Variants in NECTIN2 observed in about 807,000 individuals in gnomAD.
NECTIN2 encodes the protein nectin-2.
In NECTIN2, 23 loss-of-function variants were observed where a neutral mutation model predicts 56.9. That is an observed-to-expected ratio of 0.40 (90% CI 0.29 to 0.57). The LOEUF (loss-of-function observed/expected upper bound fraction) is 0.57. NECTIN2 is among the 20% of genes least tolerant of loss of function. The probability of loss-of-function intolerance (pLI) is 0.38; values close to 1 mark genes in which losing one functional copy is unlikely to be tolerated. For missense variants in NECTIN2, 587 were observed against 718.3 expected (o/e 0.82, Z 2.09); for synonymous variants, 302 against 313.8 (o/e 0.96, Z 0.40).
At position 44,874,506 on chromosome 19, in the gene NECTIN2, G is replaced by A. The variant is rs1969214893; in HGVS notation, c.1042+28G>A. ...GAGTGGGTCTTGGGGGCCGTGTGTGGAGACCTGGGTCCGCTCCCCTGGAGT... is the reference window on the plus strand; with the variant it reads ...GAGTGGGTCTTGGGGGCCGTGTGTGAAGACCTGGGTCCGCTCCCCTGGAGT... On this transcript the variant is annotated intron_variant, in intron 5 of 8. Coordinates refer to ENST00000252483, the MANE Select transcript of NECTIN2 (RefSeq NM_001042724.2). The surrounding 1 kb of genome is among the most constrained non-coding windows in gnomAD (Gnocchi z 6.3). The A allele has an allele frequency of 1.9e-6, 3 of 1,610,028 alleles. No individual in the cohort carries two copies. Among genetic ancestry groups the A allele is most frequent in the East Asian group, 2.2e-5 (1 of 44,882 alleles).
chr19:44,850,465 C>T (rs1389314158), intron 1 of NECTIN2, among the ~76,000 whole-genome samples: 2 of 152,006 alleles, frequency 1.3e-5, no homozygotes, highest in African/African-American at 4.8e-5. Flanking sequence ...GGCAACACGG[C>T]GAAACCCTGT....
intron 1 of NECTIN2, among the ~76,000 whole-genome samples, chr19:44,856,526 G>A (rs1006443149): frequency 1.3e-5 from 2 of 152,074 alleles, no homozygotes; most frequent in Non-Finnish European, 2.9e-5. Flanking sequence ...TAACTTCCTC[G>A]GCCCCAGCCT....
intron 1 of NECTIN2, among the ~76,000 whole-genome samples, chr19:44,862,651 A>G (rs1826708060): frequency 1.3e-5 from 2 of 152,084 alleles, no homozygotes; most frequent in Non-Finnish European, 2.9e-5. Context: ...GCAGATACAC[A>G]AAGATTGGAA....
chr19:44,856,434 C>T (rs901919456), intron 1 of NECTIN2, among the ~76,000 whole-genome samples: 10 of 152,170 alleles, frequency 6.6e-5, no homozygotes, highest in African/African-American at 2.2e-4. Context: ...CACCACCTTC[C>T]CCTCAGGCCT....
At chr19:44,879,119 ACG>A (rs1284314838) in intron 5 of NECTIN2, among the ~76,000 whole-genome samples, 1 of 152,028 alleles carries the variant, frequency 6.6e-6, no homozygotes, top group East Asian at 1.9e-4. Flanking sequence ...TCCTTGAAAG[ACG>A]CATTGGATGG....
chr19:44,879,305 G>A (rs2122703685), intron 5 of NECTIN2, among the ~76,000 whole-genome samples: 1 of 152,154 alleles, frequency 6.6e-6, no homozygotes, highest in African/African-American at 2.4e-5. Flanking sequence ...TGGAGGTGGG[G>A]GTGGGGACAG....
Position 44,862,466 on chromosome 19 carries a change from T to TA in NECTIN2, c.89-2793dup, listed in dbSNP as rs60608124. ...AACCTGCACATGTATCCTGGAACAA[T>TA]AAAAAAAAAAAAGAAAGAAAATGTG... On this transcript the variant is annotated intron_variant, in intron 1 of 8. Transcript: ENST00000252483. Among the ~76,000 whole-genome samples, 132 of 97,130 alleles carry TA rather than the reference T, an allele frequency of 1.4e-3. 1 individual carries two copies. Among genetic ancestry groups the TA allele is most frequent in the South Asian group, 2.2e-3 (8 of 3,562 alleles). The allele number at this position is 97,130 out of a possible 152,430, so 63.7% of individuals were successfully genotyped here.
chr19:44,866,140 A>T (rs1303143478), intron 2 of NECTIN2, among the ~76,000 whole-genome samples: 1 of 151,618 alleles, frequency 6.6e-6, no homozygotes, highest in Admixed American at 6.6e-5. Flanking sequence ...CCACCACTGC[A>T]CTCTAGTCTG....
chr19:44,871,483 A>C (rs1040138180), intron 2 of NECTIN2, among the ~76,000 whole-genome samples: 2 of 152,122 alleles, frequency 1.3e-5, no homozygotes, highest in Non-Finnish European at 2.9e-5. Flanking sequence ...AGCTATGATC[A>C]CACCACTGCA....
intron 1 of NECTIN2, among the ~76,000 whole-genome samples, chr19:44,857,083 G>T (rs1305942681): frequency 1.3e-5 from 2 of 152,216 alleles, no homozygotes; most frequent in African/African-American, 4.8e-5. Context: ...AAGGCTGCCA[G>T]CTGGAAAGGG....
rs766880329 is a variant in NECTIN2 at position 44,886,163 on chromosome 19, G to A, written c.1291G>A (p.Glu431Lys). ...CCAGCTCTTCACTCTGGGGGCCTCG[G>A]AGCACAGCCCACTCAAGACCCCCTA... is the stretch of plus-strand genomic sequence containing the variant. Reference protein sequence around the residue: ...PSQLFTLGASEHSPLKTPYFD... With the variant: ...PSQLFTLGASKHSPLKTPYFD... The change falls in exon 8 of 9, where the codon GAG becomes AAG. Residue 431 changes from glutamate (E) to lysine (K), a missense_variant. By Grantham distance (56) the Glu-to-Lys change is moderately conservative. Transcript: ENST00000252483. The A allele has an allele frequency of 6.2e-7, 1 of 1,613,246 alleles. No individual in the cohort carries two copies. The highest frequency in any genetic ancestry group is 8.5e-7 in the Non-Finnish European group (1 of 1,179,898).
intron 5 of NECTIN2, among the ~76,000 whole-genome samples, chr19:44,879,946 T>C (rs1284201421): frequency 2.6e-5 from 4 of 152,122 alleles, no homozygotes; most frequent in Non-Finnish European, 5.9e-5. Flanking sequence ...AGCAGCAGTA[T>C]GTTTAGGATG....
rs1286764495 is a variant in NECTIN2, at chr19:44,887,066, C to CAA, written c.1347+847_1347+848insAA. 2.0e-5 allele frequency among the ~76,000 whole-genome samples: 3 copies of CAA among 150,630 alleles called. No individual in the cohort carries two copies. In the East Asian group the frequency reaches 5.9e-4, roughly 30 times the overall value. ...CATTAGGTCAATGAAAATTGATTAT[C>CAA]TGGTCAGGCATGGTGGCTCACACCT... is the stretch of plus-strand genomic sequence containing the variant. On this transcript the variant is annotated intron_variant, in intron 8 of 8. Transcript: ENST00000252483.
intron 1 of NECTIN2, among the ~76,000 whole-genome samples, chr19:44,859,595 G>A (rs1322100945): frequency 3.9e-5 from 6 of 152,148 alleles, no homozygotes; most frequent in Non-Finnish European, 8.8e-5. Context: ...AGGCCAAGGC[G>A]GGTGGATCAC....
At chr19:44,853,152 T>G in intron 1 of NECTIN2, among the ~76,000 whole-genome samples, 2 of 151,710 alleles carry the variant, frequency 1.3e-5, no homozygotes, top group East Asian at 3.9e-4. Context: ...TGAACTATCC[T>G]ATTCATTCAT....
rs1969181235 is a variant in NECTIN2 at position 44,872,072 on chromosome 19, G to T, written c.698G>T (p.Gly233Val). Reference protein sequence around the residue: ...FTLVPSGRADGVTVTCKVEHE... With the variant: ...FTLVPSGRADVVTVTCKVEHE... ...TTGGTGCCCTCGGGCCGAGCAGATG[G>T]TGTCACGGTCACCTGCAAAGTGGAG... Residue 233 changes from glycine to valine, a missense_variant, in exon 3 of 9, where the codon GGT becomes GTT. By Grantham distance (109) the Gly-to-Val change is moderately radical. Transcript: ENST00000252483. The T allele has an allele frequency of 6.2e-7, 1 of 1,614,056 alleles. No individual in the cohort carries two copies. Among genetic ancestry groups the T allele is most frequent in the South Asian group, 1.1e-5 (1 of 91,092 alleles).
chr19:44,858,643 CTTTT>C (rs1474120994), intron 1 of NECTIN2, among the ~76,000 whole-genome samples: 2 of 149,406 alleles, frequency 1.3e-5, no homozygotes, highest in African/African-American at 4.9e-5. Context: ...TCTTTCTTTT[CTTTT>C]TGTTTCCCCT....
intron 3 of NECTIN2, 33 bp downstream of exon 3, chr19:44,872,182 A>C (rs1339154821): frequency 6.3e-7 from 1 of 1,598,910 alleles, no homozygotes; most frequent in Non-Finnish European, 8.6e-7. Context: ...CTCCCCCATC[A>C]AAACTGCCTA....
At chr19:44,878,262 T>G in intron 5 of NECTIN2, 9 of 942,096 alleles carry the variant, frequency 9.6e-6, no homozygotes, top group Non-Finnish European at 1.5e-5. Context: ...GGCCCGCTGG[T>G]GTGGGGGGCC....
Sources: allele counts gnomAD v4.1 joint callset (sites outside exome capture counted in the v4.1 genomes callset), GRCh38; gene constraint gnomAD v4.1.1; non-coding constraint Gnocchi (gnomAD v3.1); transcripts MANE v1.5; gene names NCBI Gene and HGNC (gene_info 2026-07-23, HGNC 2026-07-21).